Variants in TRAPPC11 observed in about 807,000 individuals in gnomAD.
TRAPPC11 encodes foie gras homolog.
TRAPPC11 carries 104 observed loss-of-function variants against 151.2 expected under a neutral mutation model. That is an observed-to-expected ratio of 0.69 (90% CI 0.59 to 0.81). The LOEUF (loss-of-function observed/expected upper bound fraction) is 0.81, where lower values mean the gene tolerates loss of function less well. Among genes scored for constraint, TRAPPC11 ranks in the 30% least tolerant of loss-of-function variants. The pLI, the probability that TRAPPC11 is intolerant of heterozygous loss-of-function variation, is 0.00. For synonymous variants in TRAPPC11, 456 were observed against 472.3 expected, an observed-to-expected ratio of 0.97 and a Z score of 0.45; for missense variants, 1,230 against 1,349.6, an observed-to-expected ratio of 0.91 and a Z score of 1.39.
intron 17 of TRAPPC11, 105 bp downstream of exon 17, chr4:183,685,508 A>G: frequency 7.5e-7 from 1 of 1,336,002 alleles, no homozygotes; most frequent in Non-Finnish European, 1.0e-6. Context: ...GAGTTTTCAA[A>G]GTATAATCAT....
At chr4:183,666,224 A>G (rs1403120199) in intron 2 of TRAPPC11, 33 bp from the exon 3 acceptor site, 1 of 1,597,310 alleles carries the variant, frequency 6.3e-7, no homozygotes, top group African/African-American at 1.3e-5. Flanking sequence ...TGCTCCTGTC[A>G]GGTAACTTTT....
chr4:183,665,909 A>G (rs1734853365), intron 2 of TRAPPC11, among the ~76,000 whole-genome samples: 1 of 150,344 alleles, frequency 6.7e-6, no homozygotes, highest in Admixed American at 6.7e-5. Context: ...TATAAGTAGA[A>G]TTTACCTGGA....
chr4:183,665,282 G>C lies in TRAPPC11; in HGVS notation c.205-975G>C, dbSNP rs573535237. The stretch of plus-strand genomic sequence containing the variant: ...GCTAATTTTCTGTATTTTTAGTAGA[G>C]ACGGGGTTTCACCGTGTTAGCCAGG... On this transcript the variant is annotated intron_variant, in intron 2 of 29. Transcript: ENST00000334690. Among the ~76,000 whole-genome samples the C allele has an allele frequency of 4.3e-4, 65 of 151,914 alleles. No individual in the cohort carries two copies. The South Asian group carries it at 0.014, about 32-fold the overall frequency.
chr4:183,706,839 T>C lies in TRAPPC11; in HGVS notation c.3088T>C (p.Leu1030=). The C allele has an allele frequency of 6.2e-7, 1 of 1,614,102 alleles. No homozygotes were observed. Among genetic ancestry groups the C allele is most frequent in the South Asian group, 1.1e-5 (1 of 91,068 alleles). The change falls in exon 28 of 30, where the codon TTA becomes CTA. Residue 1030 remains leucine (L), a synonymous_variant. Coordinates refer to ENST00000334690, the MANE Select transcript of TRAPPC11 (RefSeq NM_021942.6). ...GTCATTTGGGCGTGTCAGAGAGTCG[T>C]TACCTGTCAAGTATCACCTACAGAA... ...LPSFGRVRES[L]PVKYHLQNKT... is the part of the protein sequence containing the mutation.
chr4:183,699,886 A>G (rs1457860952), intron 25 of TRAPPC11, among the ~76,000 whole-genome samples: 6 of 151,390 alleles, frequency 4.0e-5, no homozygotes, highest in African/African-American at 1.5e-4. Flanking sequence ...GTGCAGTGGC[A>G]CGATCTCGGC....
intron 17 of TRAPPC11, 94 bp downstream of exon 17, chr4:183,685,497 A>G (rs1471657768): frequency 2.8e-6 from 4 of 1,419,818 alleles, no homozygotes; most frequent in East Asian, 2.3e-5. Context: ...AAGTCAAGAA[A>G]GAGTTTTCAA....
At chr4:183,693,878 G>C in intron 21 of TRAPPC11, 39 bp from the exon 22 acceptor site, 1 of 1,606,496 alleles carries the variant, frequency 6.2e-7, no homozygotes, top group Non-Finnish European at 8.5e-7. Context: ...GATAATGTTT[G>C]AATTCTTTGT....
rs950020724 is a variant in TRAPPC11 at position 183,684,635 on chromosome 4, A to G, written c.1422-61A>G. 4.5e-6 allele frequency: 7 copies of G among 1,559,370 alleles called. No individual in the cohort carries two copies. The African/African-American group carries it at 8.2e-5, about 18-fold the overall frequency. On this transcript the variant is annotated intron_variant, in intron 14 of 29. Transcript: ENST00000334690. ...AAATGAGGAAAGTATTTTTTTCTCC[A>G]TGAACTCTTCGAACCCTTTCTTGTG... is the stretch of plus-strand genomic sequence containing the variant.
At chr4:183,690,590 C>T (rs1736211688) in intron 18 of TRAPPC11, among the ~76,000 whole-genome samples, 1 of 152,100 alleles carries the variant, frequency 6.6e-6, no homozygotes, top group African/African-American at 2.4e-5. Flanking sequence ...GTGAGAGATA[C>T]TAGCAACAAT....
intron 8 of TRAPPC11, among the ~76,000 whole-genome samples, chr4:183,678,009 G>A (rs934429302): frequency 6.6e-6 from 1 of 151,002 alleles, no homozygotes; most frequent in Non-Finnish European, 1.5e-5. Context: ...TGGGATCTCG[G>A]CTCACTGGAA....
At chr4:183,665,734 C>T (rs1357744727) in intron 2 of TRAPPC11, among the ~76,000 whole-genome samples, 2 of 152,226 alleles carry the variant, frequency 1.3e-5, no homozygotes, top group Non-Finnish European at 2.9e-5. Context: ...CAAGTGGCTG[C>T]TGTGAAGCTT....
In TRAPPC11 at chr4:183,684,770, C is replaced by G. The variant is rs769563276; in HGVS notation, c.1496C>G (p.Ala499Gly). 2 of 1,613,508 alleles carry G rather than the reference C, an allele frequency of 1.2e-6. No homozygotes were observed. Among genetic ancestry groups the G allele is most frequent in the Non-Finnish European group, 1.7e-6 (2 of 1,179,586 alleles). ...CTGCTCACTTCTGTATTAACTACAG[C>G]TCTGAAGTGCTCCTACCTCATGGCC... The part of the protein sequence containing the change: ...WTLLTSVLTT[A>G]LKCSYLMAQL... The change falls in exon 15 of 30, where the codon GCT becomes GGT. Residue 499 changes from alanine (A) to glycine (G), a missense_variant. By Grantham distance (60) the Ala-to-Gly change is moderately conservative (BLOSUM62 0). Coordinates refer to ENST00000334690, the MANE Select transcript of TRAPPC11 (RefSeq NM_021942.6).
At chr4:183,712,481 C>T in intron 29 of TRAPPC11, 119 bp from the exon 30 acceptor site, 2 of 977,056 alleles carry the variant, frequency 2.0e-6, no homozygotes, top group East Asian at 2.4e-5. Flanking sequence ...TTGATGCTTA[C>T]ACTCATTTAT....
chr4:183,706,373 A>G (rs7688868), intron 27 of TRAPPC11, among the ~76,000 whole-genome samples: 2 of 152,028 alleles, frequency 1.3e-5, no homozygotes, highest in Non-Finnish European at 2.9e-5. Flanking sequence ...AATGCAAAAA[A>G]TTAGCCAGAC....
Position 183,668,942 on chromosome 4 carries a change from G to A in TRAPPC11, c.560+825G>A, listed in dbSNP as rs145735541. 5.8e-3 allele frequency among the ~76,000 whole-genome samples: 881 copies of A among 152,218 alleles called. 6 individuals are homozygous for A. The highest frequency in any genetic ancestry group is 8.9e-3 in the Non-Finnish European group (603 of 68,002). Reference sequence around the variant, plus strand: ...CATGAACAGTTTTATTTATTTTTGAGTATTGCTTCTCTTGCATTTGTTTCT... The same window carrying A: ...CATGAACAGTTTTATTTATTTTTGAATATTGCTTCTCTTGCATTTGTTTCT... On this transcript the variant is annotated intron_variant, in intron 5 of 29. Coordinates refer to ENST00000334690, the MANE Select transcript of TRAPPC11 (RefSeq NM_021942.6).
At chr4:183,665,672 A>G (rs1734842932) in intron 2 of TRAPPC11, among the ~76,000 whole-genome samples, 1 of 152,178 alleles carries the variant, frequency 6.6e-6, no homozygotes, top group Non-Finnish European at 1.5e-5. Flanking sequence ...CAGGGCTAAC[A>G]CTCAAATCTA....
intron 10 of TRAPPC11, among the ~76,000 whole-genome samples, chr4:183,681,876 T>C (rs1342195221): frequency 6.6e-6 from 1 of 152,148 alleles, no homozygotes; most frequent in Non-Finnish European, 1.5e-5. Context: ...TGGAGATAAC[T>C]AAGGCAGCTA....
chr4:183,711,044 T>G (rs1737317647), intron 29 of TRAPPC11, among the ~76,000 whole-genome samples: 1 of 151,912 alleles, frequency 6.6e-6, no homozygotes. Flanking sequence ...AAAAAAAAAT[T>G]GCCATTCTAC....
At position 183,704,960 on chromosome 4, in the gene TRAPPC11, A is replaced by G. The variant is rs2111096082; in HGVS notation, c.2964-19A>G. 1 of 1,513,822 alleles carries G rather than the reference A, an allele frequency of 6.6e-7. No homozygotes were observed. 93.8% of individuals were successfully genotyped at this position (1,513,822 alleles called of 1,614,324 possible). On this transcript the variant is annotated intron_variant, in intron 26 of 29. Coordinates refer to ENST00000334690, the MANE Select transcript of TRAPPC11 (RefSeq NM_021942.6). ...AGATGTTTAAAAAGAGTTTAAAAAG[A>G]TGACCTCTTCTGCCACAGGACCTCA...
Sources: gnomAD v4.1 joint callset for allele counts (sites outside exome capture counted in the v4.1 genomes callset) on GRCh38, gnomAD v4.1.1 for gene constraint, MANE v1.5 for transcripts, NCBI Gene and HGNC (gene_info 2026-07-23, HGNC 2026-07-21) for gene names.